SRPRB: variants seen among roughly 807,000 people sequenced by gnomAD.
SRPRB encodes signal recognition particle receptor subunit beta.
Under a neutral mutation model 31.9 loss-of-function variants are expected in SRPRB, and 20 were observed. The observed-to-expected ratio is 0.63, with a 90% CI of 0.44 to 0.91. The LOEUF is 0.91. Ranked by LOEUF, SRPRB falls within the 40% of genes least tolerant of loss-of-function variation. The pLI, the probability that SRPRB is intolerant of heterozygous loss-of-function variation, is 0.00. For synonymous variants in SRPRB, 146 were observed against 132.8 expected (o/e 1.10, Z -0.68); for missense variants, 321 against 324.9 (o/e 0.99, Z 0.09).
intron 1 of SRPRB, 102 bp from the exon 2 acceptor site, chr3:133,806,507 G>A: frequency 1.2e-6 from 1 of 833,770 alleles, no homozygotes; most frequent in Admixed American, 2.0e-5. Context: ...AGGTGAATGA[G>A]GTGTTTCGTC....
chr3:133,815,677 T>G lies in SRPRB; in HGVS notation c.498T>G (p.Ser166Arg). The G allele has an allele frequency of 6.2e-7, 1 of 1,614,032 alleles. No homozygotes were observed. Among genetic ancestry groups the G allele is most frequent in the Non-Finnish European group, 8.5e-7 (1 of 1,180,000 alleles). ...AEFLYQVLID[S>R]MGLKNTPSFL... is the part of the protein sequence containing the mutation. Reference sequence around the variant, plus strand: ...TTCTGTATCAAGTCCTCATTGACAGTATGGGTCTGAAGAATACACCATCAT... The same window carrying G: ...TTCTGTATCAAGTCCTCATTGACAGGATGGGTCTGAAGAATACACCATCAT... The change falls in exon 5 of 7, where the codon AGT becomes AGG. Residue 166 changes from serine (S) to arginine (R), a missense_variant. Coordinates refer to ENST00000678299, the MANE Select transcript of SRPRB (RefSeq NM_001379313.1).
At chr3:133,807,858 CTTACTT>C (rs747579962) in intron 3 of SRPRB, 35 bp downstream of exon 3, 7 of 1,521,458 alleles carry the variant, frequency 4.6e-6, no homozygotes, top group African/African-American at 2.8e-5. Context: ...GTCTGACAGT[CTTACTT>C]TACTGTGGTG....
In SRPRB at chr3:133,821,039, C is replaced by T. The variant is rs1935462791; in HGVS notation, c.*1273C>T. The T allele has an allele frequency of 6.6e-6, 1 of 152,494 alleles. No individual in the cohort carries two copies. The highest frequency in any genetic ancestry group is 1.5e-5 in the Non-Finnish European group (1 of 68,330). The allele number at this position is 152,494 out of a possible 1,614,324, so 9.4% of individuals were successfully genotyped here. A position where few individuals can be genotyped will look rare whatever the true frequency, so the allele number is the denominator to read the frequency against. ...TGGAGCATGCAGCAGGGGCACCCCACCTGGCCTTGAGGATCAGGGGGAGTC... is the reference window on the plus strand; with the variant it reads ...TGGAGCATGCAGCAGGGGCACCCCATCTGGCCTTGAGGATCAGGGGGAGTC... On this transcript the variant is annotated 3_prime_UTR_variant, in exon 7 of 7. Coordinates refer to ENST00000678299, the MANE Select transcript of SRPRB (RefSeq NM_001379313.1).
intron 2 of SRPRB, among the ~76,000 whole-genome samples, chr3:133,807,471 A>G (rs980391357): frequency 5.3e-5 from 8 of 152,090 alleles, no homozygotes; most frequent in African/African-American, 1.9e-4. Context: ...CCAGGCTTCA[A>G]ATCATTTTTG....
At chr3:133,799,954 C>T (rs917062227) in intron 1 of SRPRB, among the ~76,000 whole-genome samples, 4 of 152,176 alleles carry the variant, frequency 2.6e-5, no homozygotes, top group Non-Finnish European at 5.9e-5. Flanking sequence ...CACATGCCAG[C>T]GAGCAGTAAT....
At chr3:133,806,496 C>T (rs1935162977) in intron 1 of SRPRB, 113 bp from the exon 2 acceptor site, 3 of 770,348 alleles carry the variant, frequency 3.9e-6, no homozygotes, top group Non-Finnish European at 6.7e-6. Context: ...AAGTCAGTTC[C>T]AGGTGAATGA....
At chr3:133,806,230 G>A (rs1935155472) in intron 1 of SRPRB, among the ~76,000 whole-genome samples, 1 of 152,212 alleles carries the variant, frequency 6.6e-6, no homozygotes, top group Admixed American at 6.5e-5. Flanking sequence ...TCCTTGGGGC[G>A]CAGATTGCTC....
At chr3:133,810,959 C>T in intron 3 of SRPRB, 158 bp from the exon 4 acceptor site, 2 of 632,768 alleles carry the variant, frequency 3.2e-6, no homozygotes, top group Non-Finnish European at 2.6e-6. Context: ...CTGTTACATC[C>T]CCAGAACGTT....
chr3:133,788,961 T>A (rs899982555), intron 1 of SRPRB: 29 of 152,316 alleles, frequency 1.9e-4, no homozygotes, highest in Middle Eastern at 6.8e-3. Context: ...CTTATCAAAT[T>A]ATAAGGATGC....
At chr3:133,808,582 G>A (rs1277311785) in intron 3 of SRPRB, among the ~76,000 whole-genome samples, 3 of 152,092 alleles carry the variant, frequency 2.0e-5, no homozygotes, top group Admixed American at 1.3e-4. Context: ...GTATATATGA[G>A]TGTATTTCAA....
downstream of SRPRB, chr3:133,828,432 T>A: frequency 5.3e-6 from 2 of 377,552 alleles, no homozygotes; most frequent in Non-Finnish European, 4.8e-6. Context: ...AGTTTACAAA[T>A]ATACAAAAAC....
chr3:133,790,315 G>A (rs368459107), intron 1 of SRPRB: 13 of 152,098 alleles, frequency 8.5e-5, no homozygotes, highest in East Asian at 3.9e-4. Context: ...GCTTTTTAGC[G>A]TTTCACTAAA....
At chr3:133,828,214 C>A (rs1454834545), downstream of SRPRB, 6 of 561,702 alleles carry the variant, frequency 1.1e-5, no homozygotes, top group African/African-American at 5.6e-5. Context: ...GTCAGAGCTA[C>A]CTTTTCAGAG....
At position 133,808,063 on chromosome 3, in the gene SRPRB, T is replaced by A. The variant is rs183572945; in HGVS notation, c.327+240T>A. 5.4e-3 allele frequency among the ~76,000 whole-genome samples: 830 copies of A among 152,358 alleles called. 6 individuals carry two copies. Among genetic ancestry groups the A allele is most frequent in the African/African-American group, 0.018 (756 of 41,574 alleles). ...AATGTTATATCACATTTTATTCTTA[T>A]TTTTTGTTTCTGTGTCTTCTTTCCA... On this transcript the variant is annotated intron_variant, in intron 3 of 6. Coordinates refer to ENST00000678299, the MANE Select transcript of SRPRB (RefSeq NM_001379313.1).
chr3:133,808,435 G>A (rs1399072718), intron 3 of SRPRB, among the ~76,000 whole-genome samples: 1 of 151,870 alleles, frequency 6.6e-6, no homozygotes, highest in Non-Finnish European at 1.5e-5. Context: ...GTTGGTTTAT[G>A]AGCTGCATAG....
intron 1 of SRPRB, chr3:133,790,983 T>C (rs1281305246): frequency 6.6e-6 from 1 of 152,238 alleles, no homozygotes; most frequent in African/African-American, 2.4e-5. Flanking sequence ...TTTTTGCTTC[T>C]AATTTTCATT....
At chr3:133,827,750 C>CCCCA, downstream of SRPRB, 1 of 28,876 alleles carries the variant, frequency 3.5e-5, no homozygotes, top group South Asian at 1.1e-3. Flanking sequence ...GACAACACCC[C>CCCCA]CCCCCCCCCC....
chr3:133,811,205 A>T lies in SRPRB; in HGVS notation c.410+6A>T, dbSNP rs747212722. On this transcript the variant is annotated splice_donor_region_variant and intron_variant, in intron 4 of 6. Coordinates refer to ENST00000678299, the MANE Select transcript of SRPRB (RefSeq NM_001379313.1). ...CGGTTTAAGTCTTCAGCCAGGTAAG[A>T]AGGAAAGAAGTGAAGTGGGCTTGTC... 5 of 1,613,818 alleles carry T rather than the reference A, an allele frequency of 3.1e-6. No individual in the cohort carries two copies. The highest frequency in any genetic ancestry group is 1.7e-5 in the Admixed American group (1 of 59,998).
At chr3:133,799,047 A>G (rs1295084242) in intron 1 of SRPRB, among the ~76,000 whole-genome samples, 1 of 152,178 alleles carries the variant, frequency 6.6e-6, no homozygotes, top group Non-Finnish European at 1.5e-5. Flanking sequence ...TAGATCAGCT[A>G]AAGTTAAAGA....
Sources: gnomAD v4.1 joint callset for allele counts (sites outside exome capture counted in the v4.1 genomes callset) on GRCh38, gnomAD v4.1.1 for gene constraint, MANE v1.5 for transcripts, NCBI Gene and HGNC (gene_info 2026-07-23, HGNC 2026-07-21) for gene names.